Variants in MEF2D observed in about 807,000 individuals in gnomAD.
The protein encoded by MEF2D is myocyte enhancer factor 2D.
A neutral mutation model predicts 59.3 loss-of-function variants in MEF2D; 10 were observed. The ratio of observed to expected loss-of-function variants is 0.17; its 90% CI spans 0.10 to 0.29. The LOEUF (loss-of-function observed/expected upper bound fraction) is 0.29. Among genes scored for constraint, MEF2D ranks in the 10% least tolerant of loss-of-function variants. The probability of loss-of-function intolerance (pLI) is 1.00; values close to 1 mark genes in which losing one functional copy is unlikely to be tolerated. For synonymous variants in MEF2D, 305 were observed against 295.0 expected, an observed-to-expected ratio of 1.03 and a Z score of -0.35; for missense variants, 508 against 699.4, an observed-to-expected ratio of 0.73 and a Z score of 3.09.
chr1:156,478,847 A>C (rs1276131202), intron 6 of MEF2D, among the ~76,000 whole-genome samples: 1 of 152,090 alleles, frequency 6.6e-6, no homozygotes, highest in Non-Finnish European at 1.5e-5. Context: ...TGGCTTATGT[A>C]TGTGTGCTCA....
intron 1 of MEF2D, chr1:156,484,302 A>ATAG (rs1672205187): frequency 2.0e-5 from 3 of 152,372 alleles, no homozygotes; most frequent in African/African-American, 7.2e-5. Flanking sequence ...TTTGGGCCAG[A>ATAG]TAGTAATATT....
At chr1:156,483,873 T>C (rs905264161) in intron 1 of MEF2D, among the ~76,000 whole-genome samples, 6 of 152,154 alleles carry the variant, frequency 3.9e-5, no homozygotes, top group Admixed American at 1.3e-4. Context: ...ACAACAAGCA[T>C]GGTATACCTG....
At chr1:156,469,052 A>G in intron 9 of MEF2D, 32 bp from the exon 10 acceptor site, 2 of 1,566,190 alleles carry the variant, frequency 1.3e-6, no homozygotes, top group Non-Finnish European at 1.7e-6. Flanking sequence ...ATGAACCTGG[A>G]GTTGGGGAGA....
At chr1:156,467,735 C>T (rs1298171427) in intron 11 of MEF2D, 79 bp from the exon 12 acceptor site, 1 of 1,335,976 alleles carries the variant, frequency 7.5e-7, no homozygotes, top group Admixed American at 2.8e-5. Flanking sequence ...TCCCCTCTCC[C>T]CATAGGGCCA....
At chr1:156,496,404 G>C (rs1673133142) in intron 1 of MEF2D, among the ~76,000 whole-genome samples, 1 of 152,182 alleles carries the variant, frequency 6.6e-6, no homozygotes, top group African/African-American at 2.4e-5. Context: ...GTCAGTGTGA[G>C]GGGCAGAGGC....
intron 5 of MEF2D, 24 bp downstream of exon 5, chr1:156,479,562 C>T (rs1413096653): frequency 3.9e-6 from 6 of 1,549,412 alleles, no homozygotes; most frequent in Non-Finnish European, 1.7e-6. Flanking sequence ...TCCACCTCAC[C>T]TACCCACCTG....
chr1:156,481,011 T>TCCCG (rs1179093597), intron 3 of MEF2D, 40 bp from the exon 4 acceptor site: 4 of 1,609,694 alleles, frequency 2.5e-6, no homozygotes, highest in Non-Finnish European at 3.4e-6. Context: ...TGAGAGTCCT[T>TCCCG]CCCGCCCGCC....
In MEF2D at chr1:156,479,483, T is replaced by C; in HGVS notation, c.607+103A>G. On this transcript the variant is annotated intron_variant, in intron 5 of 11. Transcript: ENST00000348159. ...CTCAGGAGCCATACAAATGGCGGAA[T>C]GCTGTGGTGGGTGAAGAGAAATACT... The C allele has an allele frequency of 1.1e-5, 17 of 1,496,536 alleles. No individual in the cohort carries two copies. The South Asian group carries it at 1.9e-4, about 17-fold the overall frequency. 92.7% of individuals were successfully genotyped at this position (1,496,536 alleles called of 1,614,324 possible).
Position 156,479,578 on chromosome 1 carries a change from C to A in MEF2D, c.607+8G>T. On this transcript the variant is annotated splice_region_variant and intron_variant, in intron 5 of 11. Coordinates refer to ENST00000348159, the MANE Select transcript of MEF2D (RefSeq NM_005920.4). ...CCACCTCACCTACCCACCTGCCAGC[C>A]CACTCACCCGCACTAGCTGGCCGCT... is the stretch of plus-strand genomic sequence containing the variant. The A allele has an allele frequency of 6.5e-7, 1 of 1,550,118 alleles. No homozygotes were observed. Among genetic ancestry groups the A allele is most frequent in the Non-Finnish European group, 8.7e-7 (1 of 1,146,978 alleles).
intron 4 of MEF2D, 196 bp downstream of exon 4, chr1:156,480,638 C>T (rs1210034244): frequency 6.5e-7 from 1 of 1,547,236 alleles, no homozygotes; most frequent in Non-Finnish European, 8.7e-7. Flanking sequence ...CATGCGACTA[C>T]TCACGGCCAG....
At chr1:156,495,507 CAA>C (rs1161318354) in intron 1 of MEF2D, among the ~76,000 whole-genome samples, 1 of 151,882 alleles carries the variant, frequency 6.6e-6, no homozygotes, top group Non-Finnish European at 1.5e-5. Flanking sequence ...ATTGGGATCT[CAA>C]AAGTTTTGGT....
rs948235866 is a variant in MEF2D at position 156,498,117 on chromosome 1, A to C, written c.-139+2369T>G. On this transcript the variant is annotated intron_variant, in intron 1 of 11. Coordinates refer to ENST00000348159, the MANE Select transcript of MEF2D (RefSeq NM_005920.4). ...AGGAAAGATTAAAAAAAAAAAAAAA[A>C]AAAAAAAAAACCCTGCTACAGAGAG... 1.3e-4 allele frequency among the ~76,000 whole-genome samples: 19 copies of C among 151,100 alleles called. No individual in the cohort carries two copies. The East Asian group carries it at 2.1e-3, about 17-fold the overall frequency.
chr1:156,491,436 G>T (rs1672784160), intron 1 of MEF2D, among the ~76,000 whole-genome samples: 1 of 152,220 alleles, frequency 6.6e-6, no homozygotes, highest in Admixed American at 6.5e-5. Context: ...TCCTGCTGGG[G>T]AGGAAAGGCA....
At position 156,490,021 on chromosome 1, in the gene MEF2D, C is replaced by T. The variant is rs547816176; in HGVS notation, c.-138-6591G>A. ...GGGCAGGAAGGTGAAGCCGGTGATG[C>T]CCCCAAACACCCAGGCAAGATGGTC... On this transcript the variant is annotated intron_variant, in intron 1 of 11. Transcript: ENST00000348159. Among the ~76,000 whole-genome samples, 3 of 152,290 alleles carry T rather than the reference C, an allele frequency of 2.0e-5. No individual in the cohort carries two copies. The East Asian group carries it at 5.8e-4, about 29-fold the overall frequency.
Position 156,467,604 on chromosome 1 carries a change from A to G in MEF2D, c.*41T>C. The G allele has an allele frequency of 7.6e-7, 1 of 1,315,274 alleles. No homozygotes were observed. Among genetic ancestry groups the G allele is most frequent in the Non-Finnish European group, 9.8e-7 (1 of 1,022,742 alleles). 81.5% of individuals were successfully genotyped at this position (1,315,274 alleles called of 1,614,324 possible). A position where few individuals can be genotyped will look rare whatever the true frequency, so the allele number is the denominator to read the frequency against. ...GGAAGGGCGGGCGGTGAGATTGTCAACTCTTCATCAGGGAGGCTGAGAGGA... is the reference window on the plus strand; with the variant it reads ...GGAAGGGCGGGCGGTGAGATTGTCAGCTCTTCATCAGGGAGGCTGAGAGGA... On this transcript the variant is annotated 3_prime_UTR_variant, in exon 12 of 12. Coordinates refer to ENST00000348159, the MANE Select transcript of MEF2D (RefSeq NM_005920.4).
At chr1:156,472,044 A>G (rs1029478418) in intron 9 of MEF2D, among the ~76,000 whole-genome samples, 5 of 152,180 alleles carry the variant, frequency 3.3e-5, no homozygotes, top group Non-Finnish European at 7.3e-5. Context: ...GACACCAACT[A>G]ACTTTCCTCC....
chr1:156,496,376 G>T (rs1356589131), intron 1 of MEF2D, among the ~76,000 whole-genome samples: 2 of 152,182 alleles, frequency 1.3e-5, no homozygotes, highest in African/African-American at 4.8e-5. Context: ...CCCAAGAGGA[G>T]GGACCCGGGG....
At position 156,463,993 on chromosome 1, in the gene MEF2D, T is replaced by C. The variant is rs1283900542; in HGVS notation, c.*3652A>G. ...CAGGTGTGGGGGTGGGGCACCTCCATGGCCCATCCTGCCCCTCCCTTCCTC... is the reference window on the plus strand; with the variant it reads ...CAGGTGTGGGGGTGGGGCACCTCCACGGCCCATCCTGCCCCTCCCTTCCTC... On this transcript the variant is annotated 3_prime_UTR_variant, in exon 12 of 12. Transcript: ENST00000348159. 1 of 152,588 alleles carries C rather than the reference T, an allele frequency of 6.6e-6. No individual in the cohort carries two copies. The highest frequency in any genetic ancestry group is 2.4e-5 in the African/African-American group (1 of 41,406). The allele number at this position is 152,588 out of a possible 1,614,324, so 9.5% of individuals were successfully genotyped here. A position where few individuals can be genotyped will look rare whatever the true frequency, so the allele number is the denominator to read the frequency against.
At chr1:156,475,832 G>A (rs960900687) in intron 8 of MEF2D, among the ~76,000 whole-genome samples, 2 of 152,220 alleles carry the variant, frequency 1.3e-5, no homozygotes, top group Non-Finnish European at 2.9e-5. Context: ...AGGGAGGGAG[G>A]AGCCCCCGCC....
Sources: gnomAD v4.1 joint callset for allele counts (sites outside exome capture counted in the v4.1 genomes callset) on GRCh38, gnomAD v4.1.1 for gene constraint, MANE v1.5 for transcripts, NCBI Gene and HGNC (gene_info 2026-07-23, HGNC 2026-07-21) for gene names.